The following SNN variants were observed in gnomAD, a reference collection of about 807,000 sequenced individuals.
The protein encoded by SNN is AG8_1.
A neutral mutation model predicts 5.3 loss-of-function variants in SNN; 5 were observed. The ratio of observed to expected loss-of-function variants is 0.94; its 90% CI spans 0.49 to 1.97. SNN has a LOEUF of 1.97. Among genes scored for constraint, SNN ranks in the 30% most tolerant of loss-of-function variants. The pLI is 0.01. For synonymous variants in SNN, 67 were observed against 52.1 expected (o/e 1.29, Z -1.24); for missense variants, 127 against 121.6 (o/e 1.04, Z -0.21).
chr16:11,672,323 A>G lies in SNN; in HGVS notation c.-85-3652A>G, dbSNP rs1046382162. On this transcript the variant is annotated intron_variant, in intron 1 of 1. Transcript: ENST00000329565. This position sits in a 1 kb window ranked among gnomAD's most constrained non-coding sequence, Gnocchi z 6.0. ...GAAGGGCAGGTAGCAAGGAGAGCAA[A>G]TGAAGTAGGGCAAGGCTGTAGTGGT... Among the ~76,000 whole-genome samples the G allele has an allele frequency of 1.3e-5, 2 of 152,098 alleles. No individual in the cohort carries two copies. The highest frequency in any genetic ancestry group is 2.9e-5 in the Non-Finnish European group (2 of 68,006).
chr16:11,673,835 G>A (rs2141939212), intron 1 of SNN, among the ~76,000 whole-genome samples: 1 of 152,326 alleles, frequency 6.6e-6, no homozygotes, highest in Non-Finnish European at 1.5e-5. Flanking sequence ...GACTTGGAAG[G>A]CGTCCTGGCT....
At chr16:11,674,000 C>G (rs930626313) in intron 1 of SNN, among the ~76,000 whole-genome samples, 4 of 152,238 alleles carry the variant, frequency 2.6e-5, no homozygotes, top group African/African-American at 9.6e-5. Context: ...GGTCCCTGGA[C>G]AGACGCTGGG....
chr16:11,671,832 C>T lies in SNN; in HGVS notation c.-86+3292C>T, dbSNP rs2050267905. ...ACAGGGGCTTGTGGGGACCTGCTGC[C>T]CTCCGCGCTTTGAGTTTCCCGGGGC... On this transcript the variant is annotated intron_variant, in intron 1 of 1. Coordinates refer to ENST00000329565, the MANE Select transcript of SNN (RefSeq NM_003498.6). This position sits in a 1 kb window ranked among gnomAD's most constrained non-coding sequence, Gnocchi z 4.7. 1.3e-5 allele frequency among the ~76,000 whole-genome samples: 2 copies of T among 152,188 alleles called. No homozygotes were observed. Among genetic ancestry groups the T allele is most frequent in the Non-Finnish European group, 2.9e-5 (2 of 68,034 alleles).
At chr16:11,675,082 T>C (rs769322214) in intron 1 of SNN, among the ~76,000 whole-genome samples, 13 of 151,958 alleles carry the variant, frequency 8.6e-5, no homozygotes, top group African/African-American at 1.2e-4. Flanking sequence ...AGCTTCCTTC[T>C]CAGATGGTGT....
rs2050334485 is a variant in SNN, at chr16:11,678,937, C to T, written c.*2611C>T. 2.1e-6 allele frequency: 1 copy of T among 478,222 alleles called. No homozygotes were observed. The highest frequency in any genetic ancestry group is 2.5e-5 in the South Asian group (1 of 40,372). The allele number at this position is 478,222 out of a possible 1,614,324, so 29.6% of individuals were successfully genotyped here. On this transcript the variant is annotated 3_prime_UTR_variant, in exon 2 of 2. Transcript: ENST00000329565. Reference sequence around the variant, plus strand: ...GGGCACAGGGAGGGAACTCTTGACACTGAGCCACTAAAATATGGACTAATT... The same window carrying T: ...GGGCACAGGGAGGGAACTCTTGACATTGAGCCACTAAAATATGGACTAATT...
chr16:11,670,633 G>T (rs989052786), intron 1 of SNN, among the ~76,000 whole-genome samples: 7 of 152,224 alleles, frequency 4.6e-5, no homozygotes, highest in African/African-American at 1.7e-4. Context: ...TCAGGGACTC[G>T]TATCCGCTTT....
At position 11,676,503 on chromosome 16, in the gene SNN, C is replaced by A; in HGVS notation, c.*177C>A. On this transcript the variant is annotated 3_prime_UTR_variant, in exon 2 of 2. Transcript: ENST00000329565. Reference sequence around the variant, plus strand: ...GGGACCTGGCTGTCCTGGGCTTCCCCTCGGCCTCCAGGTGAGGCTGCCCAT... The same window carrying A: ...GGGACCTGGCTGTCCTGGGCTTCCCATCGGCCTCCAGGTGAGGCTGCCCAT... 1 of 778,142 alleles carries A rather than the reference C, an allele frequency of 1.3e-6. No individual in the cohort carries two copies. Among genetic ancestry groups the A allele is most frequent in the Non-Finnish European group, 2.1e-6 (1 of 487,478 alleles). The allele number at this position is 778,142 out of a possible 1,614,324, so 48.2% of individuals were successfully genotyped here. A position where few individuals can be genotyped will look rare whatever the true frequency, so the allele number is the denominator to read the frequency against.
At chr16:11,673,703 T>G (rs922076913) in intron 1 of SNN, among the ~76,000 whole-genome samples, 1 of 152,158 alleles carries the variant, frequency 6.6e-6, no homozygotes, top group Non-Finnish European at 1.5e-5. Flanking sequence ...GCCAGAACGT[T>G]CTGGGCAGGG....
chr16:11,670,745 C>T (rs1472056141), intron 1 of SNN, among the ~76,000 whole-genome samples: 4 of 152,214 alleles, frequency 2.6e-5, no homozygotes, highest in Admixed American at 2.6e-4. Flanking sequence ...GGACTCCAGC[C>T]TGCTCTACTG....
At chr16:11,675,816 T>C (rs1490778796) in intron 1 of SNN, among the ~76,000 whole-genome samples, 159 bp from the exon 2 acceptor site, 1 of 152,198 alleles carries the variant, frequency 6.6e-6, no homozygotes, top group African/African-American at 2.4e-5. Flanking sequence ...TCAAAGGTCA[T>C]GAACAGGAGC....
In SNN at chr16:11,677,766, T is replaced by C. The variant is rs531804302; in HGVS notation, c.*1440T>C. On this transcript the variant is annotated 3_prime_UTR_variant, in exon 2 of 2. Transcript: ENST00000329565. This position sits in a 1 kb window ranked among gnomAD's most constrained non-coding sequence, Gnocchi z 4.2. Reference sequence around the variant, plus strand: ...CGTGCCTGCCCATCCCTGTAATAGATGGAAGGTCAGCCCCGGCTTAACCAC... The same window carrying C: ...CGTGCCTGCCCATCCCTGTAATAGACGGAAGGTCAGCCCCGGCTTAACCAC... 1.8e-5 allele frequency: 3 copies of C among 167,224 alleles called. No homozygotes were observed. Among genetic ancestry groups the C allele is most frequent in the African/African-American group, 7.2e-5 (3 of 41,582 alleles). The allele number at this position is 167,224 out of a possible 1,614,324, so 10.4% of individuals were successfully genotyped here.
chr16:11,673,987 C>A (rs991117774), intron 1 of SNN, among the ~76,000 whole-genome samples: 2 of 152,230 alleles, frequency 1.3e-5, no homozygotes, highest in African/African-American at 4.8e-5. Context: ...TTTCCCCGGG[C>A]CTGGTCCCTG....
chr16:11,669,319 G>GCCCCAGC, intron 1 of SNN, among the ~76,000 whole-genome samples: 1 of 152,358 alleles, frequency 6.6e-6, no homozygotes, highest in East Asian at 1.9e-4. Context: ...CCAGCACCCA[G>GCCCCAGC]CCCAGGTCGC....
Position 11,678,840 on chromosome 16 carries a change from G to C in SNN, c.*2514G>C. ...CTGGATTATTTTTGAATGCCCAACT[G>C]TTGCATTCAAGTTTTCTGACTAATA... On this transcript the variant is annotated 3_prime_UTR_variant, in exon 2 of 2. Transcript: ENST00000329565. 3.9e-6 allele frequency: 1 copy of C among 257,668 alleles called. No homozygotes were observed. Among genetic ancestry groups the C allele is most frequent in the Non-Finnish European group, 8.1e-6 (1 of 124,124 alleles). The allele number at this position is 257,668 out of a possible 1,614,324, so 16.0% of individuals were successfully genotyped here. A position where few individuals can be genotyped will look rare whatever the true frequency, so the allele number is the denominator to read the frequency against.
At chr16:11,670,472 G>A (rs1431802676) in intron 1 of SNN, among the ~76,000 whole-genome samples, 1 of 152,184 alleles carries the variant, frequency 6.6e-6, no homozygotes, top group African/African-American at 2.4e-5. Context: ...GGGTGGGCTT[G>A]GGGATCCCTC....
chr16:11,678,998 A>G lies in SNN; in HGVS notation c.*2672A>G, dbSNP rs188239514. On this transcript the variant is annotated 3_prime_UTR_variant, in exon 2 of 2. Coordinates refer to ENST00000329565, the MANE Select transcript of SNN (RefSeq NM_003498.6). ...ATCTTCAAACGGACTGTGCTACTGT[A>G]TTTGTCTCAAAGCTACCAAGTTTGT... The G allele has an allele frequency of 8.9e-5, 57 of 642,180 alleles. No individual in the cohort carries two copies. The East Asian group carries it at 1.3e-3, about 14-fold the overall frequency. The allele number at this position is 642,180 out of a possible 1,614,324, so 39.8% of individuals were successfully genotyped here.
chr16:11,673,882 C>T (rs902090696), intron 1 of SNN, among the ~76,000 whole-genome samples: 5 of 152,192 alleles, frequency 3.3e-5, no homozygotes, highest in African/African-American at 1.2e-4. Context: ...AGATCCTTAG[C>T]GCCTGCGGCA....
At chr16:11,670,495 C>T (rs1204139732) in intron 1 of SNN, among the ~76,000 whole-genome samples, 1 of 152,216 alleles carries the variant, frequency 6.6e-6, no homozygotes, top group Non-Finnish European at 1.5e-5. Context: ...GCTCAGTGTT[C>T]TCCCTTTGTC....
chr16:11,673,421 G>T (rs978125502), intron 1 of SNN, among the ~76,000 whole-genome samples: 1 of 152,204 alleles, frequency 6.6e-6, no homozygotes, highest in Non-Finnish European at 1.5e-5. Context: ...CCACTGCTCC[G>T]GAGGGAAGGA....
Sources: gnomAD v4.1 joint callset for allele counts (sites outside exome capture counted in the v4.1 genomes callset) on GRCh38, gnomAD v4.1.1 for gene constraint, Gnocchi (gnomAD v3.1) non-coding constraint, MANE v1.5 for transcripts, NCBI Gene and HGNC (gene_info 2026-07-23, HGNC 2026-07-21) for gene names.